Variants in ABTB3 observed in about 807,000 individuals in gnomAD.
ABTB3 encodes the protein ankyrin repeat- and BTB/POZ domain-containing protein 3.
the ABTB3 span, among the ~76,000 whole-genome samples, chr12:107,349,442 C>T: frequency 6.5e-4 from 99 of 152,190 alleles, no homozygotes; most frequent in Non-Finnish European, 9.3e-4. Flanking sequence ...CTTCTGAATT[C>T]GTTCATTCAT....
the ABTB3 span, among the ~76,000 whole-genome samples, chr12:107,613,261 A>G: frequency 4.6e-5 from 7 of 152,164 alleles, no homozygotes; most frequent in South Asian, 1.2e-3. Context: ...TCCACTTAAC[A>G]CACAGCAAAG....
the ABTB3 span, among the ~76,000 whole-genome samples, chr12:107,340,092 G>T: frequency 1.3e-5 from 2 of 151,490 alleles, no homozygotes; most frequent in African/African-American, 2.4e-5. Context: ...CGAAATTGTT[G>T]TGAATACTGA....
At chr12:107,633,385 T>TATA in the ABTB3 span, among the ~76,000 whole-genome samples, 1 of 152,212 alleles carries the variant, frequency 6.6e-6, no homozygotes, top group East Asian at 1.9e-4. Context: ...CCACCCAGTT[T>TATA]AGAGTATTTT....
the ABTB3 span, among the ~76,000 whole-genome samples, chr12:107,433,292 G>A: frequency 6.0e-4 from 53 of 88,742 alleles, no homozygotes; most frequent in African/African-American, 2.4e-3. Flanking sequence ...GCGAGACTCC[G>A]TCTCAAAAAA....
chr12:107,544,291 A>T, the ABTB3 span: 1 of 811,332 alleles, frequency 1.2e-6, no homozygotes, highest in Non-Finnish European at 1.9e-6. Context: ...CCCTGAGGGG[A>T]TATCTTAGAC....
the ABTB3 span, among the ~76,000 whole-genome samples, chr12:107,513,248 C>T: frequency 3.3e-5 from 5 of 152,190 alleles, no homozygotes; most frequent in African/African-American, 7.2e-5. Context: ...TGATGGTTCT[C>T]TTACTTGGTT....
the ABTB3 span, among the ~76,000 whole-genome samples, chr12:107,413,309 A>G: frequency 6.6e-6 from 1 of 152,140 alleles, no homozygotes; most frequent in African/African-American, 2.4e-5. Context: ...AAATTTGGGA[A>G]CTGCCACCTT....
chr12:107,484,909 T>C, the ABTB3 span, among the ~76,000 whole-genome samples: 1 of 152,218 alleles, frequency 6.6e-6, no homozygotes, highest in African/African-American at 2.4e-5. Flanking sequence ...AGGAACAGGT[T>C]TGGGGACAGG....
At chr12:107,641,646 TG>T in the ABTB3 span, among the ~76,000 whole-genome samples, 2 of 152,218 alleles carry the variant, frequency 1.3e-5, no homozygotes, top group African/African-American at 2.4e-5. Flanking sequence ...AGGTTCATAC[TG>T]GGACAGGATG....
At chr12:107,557,973 A>T in the ABTB3 span, among the ~76,000 whole-genome samples, 1 of 152,190 alleles carries the variant, frequency 6.6e-6, no homozygotes, top group African/African-American at 2.4e-5. Context: ...GCCAGAATGG[A>T]GAAAGAGTGC....
At chr12:107,543,182 G>A in the ABTB3 span, among the ~76,000 whole-genome samples, 6 of 151,696 alleles carry the variant, frequency 4.0e-5, no homozygotes, top group East Asian at 3.9e-4. Context: ...CTAAAATTAC[G>A]AAAATTAACC....
At chr12:107,572,564 G>A in the ABTB3 span, among the ~76,000 whole-genome samples, 1 of 152,114 alleles carries the variant, frequency 6.6e-6, no homozygotes, top group Non-Finnish European at 1.5e-5. Context: ...TGCTCCAGGA[G>A]GACCATGAAT....
the ABTB3 span, among the ~76,000 whole-genome samples, chr12:107,554,887 G>A: frequency 6.6e-6 from 1 of 152,224 alleles, no homozygotes; most frequent in Non-Finnish European, 1.5e-5. Context: ...ATCAGCTTTT[G>A]TAGTGACTTT....
At chr12:107,320,993 G>A in the ABTB3 span, among the ~76,000 whole-genome samples, 1 of 152,182 alleles carries the variant, frequency 6.6e-6, no homozygotes, top group Non-Finnish European at 1.5e-5. Flanking sequence ...TCCTTGAAGG[G>A]GGTGGGGCCG....
At chr12:107,590,012 C>A in the ABTB3 span, among the ~76,000 whole-genome samples, 1 of 152,282 alleles carries the variant, frequency 6.6e-6, no homozygotes, top group African/African-American at 2.4e-5. Flanking sequence ...TGGGTTCAAG[C>A]AATTCTCCTG....
the ABTB3 span, among the ~76,000 whole-genome samples, chr12:107,525,378 GA>G: frequency 1.6e-5 from 2 of 126,464 alleles, no homozygotes; most frequent in East Asian, 2.3e-4. Flanking sequence ...GAAAGAAAGA[GA>G]AAAAATATTA....
the ABTB3 span, among the ~76,000 whole-genome samples, chr12:107,446,778 G>A: frequency 6.6e-6 from 1 of 152,150 alleles, no homozygotes; most frequent in East Asian, 1.9e-4. Flanking sequence ...TCTGAAGACT[G>A]TACCCAGATC....
chr12:107,469,920 T>TTC, the ABTB3 span, among the ~76,000 whole-genome samples: 85 of 102,020 alleles, frequency 8.3e-4, 4 homozygotes, highest in Middle Eastern at 5.4e-3. Flanking sequence ...CTTTCTTTCT[T>TTC]TCTCTCTCTC....
At chr12:107,657,347 G>C in the ABTB3 span, among the ~76,000 whole-genome samples, 5 of 152,214 alleles carry the variant, frequency 3.3e-5, no homozygotes, top group Admixed American at 1.3e-4. Flanking sequence ...TTGATAGCAT[G>C]AGCCGCAAAG....
Sources: gnomAD v4.1 joint callset for allele counts (sites outside exome capture counted in the v4.1 genomes callset) on GRCh38, gnomAD v4.1.1 for gene constraint, MANE v1.5 for transcripts, NCBI Gene and HGNC (gene_info 2026-07-23, HGNC 2026-07-21) for gene names.